The following ARSJ variants were observed in gnomAD, a reference collection of about 807,000 sequenced individuals.
ARSJ encodes the protein arylsulfatase family member J.
A neutral mutation model predicts 35.9 loss-of-function variants in ARSJ; 26 were observed. The observed-to-expected ratio is 0.72, with a 90% CI of 0.53 to 1.00. The LOEUF (loss-of-function observed/expected upper bound fraction) is 1.00, where lower values mean the gene tolerates loss of function less well. ARSJ is among the 50% of genes least tolerant of loss of function. The pLI is 0.00. For missense variants in ARSJ, 667 were observed against 723.6 expected (o/e 0.92, Z 0.90); for synonymous variants, 294 against 267.6 (o/e 1.10, Z -0.96).
intron 1 of ARSJ, among the ~76,000 whole-genome samples, chr4:113,934,823 CA>C (rs1276106374): frequency 1.3e-5 from 2 of 151,562 alleles, no homozygotes; most frequent in Admixed American, 6.6e-5. Flanking sequence ...TAGGTATCAA[CA>C]AAAAAATTCT....
At position 113,902,555 on chromosome 4, in the gene ARSJ, C is replaced by G. The variant is rs368483557; in HGVS notation, c.1519G>C (p.Asp507His). ...NITADPYERV[D>H]LSNRYPGIVK... ...ATTCCTGGATACCTGTTAGATAGGT[C>G]CACCCTCTCATATGGGTCGGCTGTG... The change falls in exon 2 of 2, where the codon GAC becomes CAC. Residue 507 changes from aspartate (D) to histidine (H), a missense_variant. Coordinates refer to ENST00000315366, the MANE Select transcript of ARSJ (RefSeq NM_024590.4). 3.7e-6 allele frequency: 6 copies of G among 1,614,004 alleles called. No individual in the cohort carries two copies. The highest frequency in any genetic ancestry group is 2.7e-5 in the African/African-American group (2 of 74,904).
chr4:113,907,083 C>T (rs949918479), intron 1 of ARSJ, among the ~76,000 whole-genome samples: 30 of 152,192 alleles, frequency 2.0e-4, no homozygotes, highest in African/African-American at 7.0e-4. Context: ...TGGCAAAGTC[C>T]GATGCACTCT....
At chr4:113,911,403 C>T (rs2149252203) in intron 1 of ARSJ, among the ~76,000 whole-genome samples, 1 of 152,206 alleles carries the variant, frequency 6.6e-6, no homozygotes, top group South Asian at 2.1e-4. Flanking sequence ...TTGGAAAAAT[C>T]AACTCTGGTT....
chr4:113,964,271 C>T (rs1726751228), intron 1 of ARSJ, among the ~76,000 whole-genome samples: 1 of 152,014 alleles, frequency 6.6e-6, no homozygotes, highest in Non-Finnish European at 1.5e-5. Flanking sequence ...TTAAACAACA[C>T]ACTGAAATAA....
intron 1 of ARSJ, among the ~76,000 whole-genome samples, chr4:113,945,223 C>T (rs940257030): frequency 6.6e-6 from 1 of 151,944 alleles, no homozygotes; most frequent in Non-Finnish European, 1.5e-5. Flanking sequence ...GCTCACTGAC[C>T]TCCTCGGTTC....
intron 1 of ARSJ, among the ~76,000 whole-genome samples, chr4:113,927,873 T>G (rs1724175168): frequency 1.3e-5 from 2 of 152,130 alleles, no homozygotes; most frequent in Non-Finnish European, 2.9e-5. Flanking sequence ...TACAATATTA[T>G]TTTTGACTCA....
chr4:113,958,690 G>GC (rs563947379), intron 1 of ARSJ, among the ~76,000 whole-genome samples: 168 of 152,170 alleles, frequency 1.1e-3, no homozygotes, highest in African/African-American at 3.9e-3. Flanking sequence ...GAAGGATGTG[G>GC]CATTGATGTA....
chr4:113,953,258 C>G (rs1725971358), intron 1 of ARSJ, among the ~76,000 whole-genome samples: 1 of 152,032 alleles, frequency 6.6e-6, no homozygotes, highest in South Asian at 2.1e-4. Flanking sequence ...GAGCAATCTT[C>G]TCCTCAACTC....
In ARSJ at chr4:113,957,013, C is replaced by T. The variant is rs112944604; in HGVS notation, c.398+21424G>A. The stretch of plus-strand genomic sequence containing the variant: ...TGCAGTATTTTATAGGCTGTTGCAG[C>T]TGTAGCAGCAAGATGGACCTATAGA... On this transcript the variant is annotated intron_variant, in intron 1 of 1. Coordinates refer to ENST00000315366, the MANE Select transcript of ARSJ (RefSeq NM_024590.4). 0.013 allele frequency among the ~76,000 whole-genome samples: 2,022 copies of T among 152,146 alleles called. 71 individuals carry two copies. In the East Asian group the frequency reaches 0.14, roughly 11 times the overall value.
At chr4:113,916,252 A>G (rs1363093230) in intron 1 of ARSJ, among the ~76,000 whole-genome samples, 1 of 152,148 alleles carries the variant, frequency 6.6e-6, no homozygotes, top group Non-Finnish European at 1.5e-5. Flanking sequence ...TACCTTTTCT[A>G]TTGAGAGAAC....
intron 1 of ARSJ, among the ~76,000 whole-genome samples, chr4:113,909,683 C>T (rs1310808130): frequency 6.6e-6 from 1 of 152,158 alleles, no homozygotes; most frequent in Non-Finnish European, 1.5e-5. Flanking sequence ...TTCCTCAGGC[C>T]TCCCCAGCCT....
chr4:113,949,742 T>C (rs968870645), intron 1 of ARSJ, among the ~76,000 whole-genome samples: 3 of 152,234 alleles, frequency 2.0e-5, no homozygotes, highest in South Asian at 4.1e-4. Context: ...ATGGGATAGA[T>C]ATATTAGTGT....
chr4:113,902,018 A>C lies in ARSJ; in HGVS notation c.*256T>G. 1 of 1,079,386 alleles carries C rather than the reference A, an allele frequency of 9.3e-7. No homozygotes were observed. The highest frequency in any genetic ancestry group is 1.3e-6 in the Non-Finnish European group (1 of 781,680). The allele number at this position is 1,079,386 out of a possible 1,614,324, so 66.9% of individuals were successfully genotyped here. A position where few individuals can be genotyped will look rare whatever the true frequency, so the allele number is the denominator to read the frequency against. ...ACAGCAGTGGAACTCAGGACTCACC[A>C]CGTTTTCTAAAGGAGCAAGAGAAAT... On this transcript the variant is annotated 3_prime_UTR_variant, in exon 2 of 2. Coordinates refer to ENST00000315366, the MANE Select transcript of ARSJ (RefSeq NM_024590.4).
intron 1 of ARSJ, among the ~76,000 whole-genome samples, chr4:113,938,973 G>A (rs920774307): frequency 2.0e-5 from 3 of 151,152 alleles, no homozygotes; most frequent in Admixed American, 6.6e-5. Context: ...CAGGTTAGTT[G>A]CATATGTATA....
intron 1 of ARSJ, among the ~76,000 whole-genome samples, chr4:113,960,897 A>G (rs1726503236): frequency 1.3e-5 from 2 of 152,116 alleles, no homozygotes; most frequent in African/African-American, 4.8e-5. Flanking sequence ...TAGCAGATCT[A>G]CTTTCTTTTG....
At chr4:113,925,705 C>T (rs1724013315) in intron 1 of ARSJ, among the ~76,000 whole-genome samples, 1 of 152,138 alleles carries the variant, frequency 6.6e-6, no homozygotes, top group African/African-American at 2.4e-5. Flanking sequence ...TGAAGCATCC[C>T]ATGAGTCCAC....
At chr4:113,946,774 T>C (rs1161691354) in intron 1 of ARSJ, among the ~76,000 whole-genome samples, 1 of 152,130 alleles carries the variant, frequency 6.6e-6, no homozygotes. Flanking sequence ...AGCCGTTCCA[T>C]GAGGAAACAA....
intron 1 of ARSJ, among the ~76,000 whole-genome samples, chr4:113,953,474 G>C (rs1725984842): frequency 6.6e-6 from 1 of 152,020 alleles, no homozygotes; most frequent in South Asian, 2.1e-4. Context: ...TAAACATAAT[G>C]TATGGCTTTT....
At chr4:113,946,430 TGTTAAG>T (rs1725487541) in intron 1 of ARSJ, 1 of 151,718 alleles carries the variant, frequency 6.6e-6, no homozygotes, top group Non-Finnish European at 1.5e-5. Context: ...AAGAAAAGAA[TGTTAAG>T]ATCTTAAAGA....
Sources: gnomAD v4.1 joint callset for allele counts (sites outside exome capture counted in the v4.1 genomes callset) on GRCh38, gnomAD v4.1.1 for gene constraint, MANE v1.5 for transcripts, NCBI Gene and HGNC (gene_info 2026-07-23, HGNC 2026-07-21) for gene names.